Variants in NEBL observed in about 807,000 individuals in gnomAD.
The protein encoded by NEBL is LIM and SH3 protein 2.
Under a neutral mutation model 140.2 loss-of-function variants are expected in NEBL, and 122 were observed. The ratio of observed to expected loss-of-function variants is 0.87; its 90% CI spans 0.75 to 1.01. NEBL has a LOEUF of 1.01. NEBL is among the 50% of genes least tolerant of loss of function. NEBL has a pLI of 0.00. For missense variants in NEBL, 1,365 were observed against 1,231.3 expected, an observed-to-expected ratio of 1.11 and a Z score of -1.62; for synonymous variants, 436 against 398.9, an observed-to-expected ratio of 1.09 and a Z score of -1.11.
At chr10:21,107,374 T>C (rs887698488) in intron 2 of NEBL, among the ~76,000 whole-genome samples, 7 of 152,208 alleles carry the variant, frequency 4.6e-5, no homozygotes, top group African/African-American at 1.7e-4. Context: ...GTTTTTAGCA[T>C]GAAGACCTGT....
intron 2 of NEBL, among the ~76,000 whole-genome samples, chr10:21,135,026 G>A (rs190151682): frequency 4.6e-5 from 7 of 152,194 alleles, no homozygotes; most frequent in Middle Eastern, 3.4e-3. Flanking sequence ...ACCCTCCATC[G>A]AGGGCAACGT....
intron 2 of NEBL, among the ~76,000 whole-genome samples, chr10:21,034,675 G>A (rs1040030485): frequency 2.6e-5 from 4 of 152,174 alleles, no homozygotes; most frequent in Non-Finnish European, 5.9e-5. Context: ...ACTGTCTAAC[G>A]GAGGAAACTG....
chr10:21,096,323 T>C (rs1016374700), intron 2 of NEBL, among the ~76,000 whole-genome samples: 1 of 152,212 alleles, frequency 6.6e-6, no homozygotes, highest in African/African-American at 2.4e-5. Flanking sequence ...ACATGGAATA[T>C]AAACCATAAT....
At chr10:21,159,507 T>C (rs1263702641) in intron 2 of NEBL, among the ~76,000 whole-genome samples, 1 of 152,210 alleles carries the variant, frequency 6.6e-6, no homozygotes, top group Non-Finnish European at 1.5e-5. Flanking sequence ...GACCAATTCT[T>C]TTCCAAATTA....
chr10:20,861,257 A>G (rs1389176043), intron 7 of NEBL, among the ~76,000 whole-genome samples: 1 of 152,146 alleles, frequency 6.6e-6, no homozygotes, highest in African/African-American at 2.4e-5. Flanking sequence ...AGCTCACTGC[A>G]AGCTCCACCT....
intron 2 of NEBL, among the ~76,000 whole-genome samples, chr10:21,111,898 AAAAC>A (rs1838029219): frequency 6.6e-6 from 1 of 152,156 alleles, no homozygotes; most frequent in Admixed American, 6.6e-5. Context: ...TACCAGAAAA[AAAAC>A]AAACAACCCC....
At chr10:21,052,812 A>C (rs1834835071) in intron 2 of NEBL, among the ~76,000 whole-genome samples, 1 of 152,194 alleles carries the variant, frequency 6.6e-6, no homozygotes, top group South Asian at 2.1e-4. Context: ...CCGGTGGTGC[A>C]TACAGACAGA....
chr10:20,981,948 G>A (rs1263485954), intron 3 of NEBL, among the ~76,000 whole-genome samples: 1 of 152,130 alleles, frequency 6.6e-6, no homozygotes, highest in Admixed American at 6.6e-5. Context: ...GAGATATCTG[G>A]CATTTCTAAC....
At chr10:21,075,325 G>A (rs1389318603) in intron 2 of NEBL, among the ~76,000 whole-genome samples, 3 of 152,170 alleles carry the variant, frequency 2.0e-5, no homozygotes, top group East Asian at 3.9e-4. Flanking sequence ...TAAAATGGCT[G>A]GAGACGGACT....
intron 2 of NEBL, among the ~76,000 whole-genome samples, chr10:21,095,846 G>A (rs1001064052): frequency 6.6e-6 from 1 of 152,166 alleles, no homozygotes; most frequent in East Asian, 1.9e-4. Context: ...AGTCCTCTTA[G>A]TACTGTTCAA....
chr10:21,292,858 G>A (rs528477760), exon 1 of NEBL, among the ~76,000 whole-genome samples: 39 of 152,104 alleles, frequency 2.6e-4, no homozygotes, highest in Non-Finnish European at 5.1e-4. Context: ...ACCCACGCAG[G>A]GAAACCAGGA....
Position 20,831,195 on chromosome 10 carries a change from C to T in NEBL, c.1671+1G>A, listed in dbSNP as rs377315695. 6.2e-7 allele frequency: 1 copy of T among 1,606,136 alleles called. No homozygotes were observed. Among genetic ancestry groups the T allele is most frequent in the Non-Finnish European group, 8.5e-7 (1 of 1,173,100 alleles). ...TCTGAGCATCTTCATTCATGACCAA[C>T]CTGGCTATAGATTTCAGATGTCCTC... On this transcript the variant is annotated splice_donor_variant, in intron 16 of 27. Coordinates refer to ENST00000377122, the MANE Select transcript of NEBL (RefSeq NM_006393.3). LOFTEE classifies it high-confidence loss of function.
chr10:21,140,038 G>A (rs943644576), intron 2 of NEBL, among the ~76,000 whole-genome samples: 6 of 151,476 alleles, frequency 4.0e-5, no homozygotes, highest in Non-Finnish European at 4.4e-5. Flanking sequence ...TCAGGTGCCT[G>A]TAATCCCAGC....
intron 4 of NEBL, among the ~76,000 whole-genome samples, chr10:20,939,065 T>G (rs1043835249): frequency 3.0e-4 from 45 of 152,020 alleles, no homozygotes; most frequent in African/African-American, 1.0e-3. Context: ...AGGCCAACAT[T>G]CAGATTCAGG....
At chr10:21,229,325 G>A (rs948377433) in intron 3 of NEBL, among the ~76,000 whole-genome samples, 4 of 152,150 alleles carry the variant, frequency 2.6e-5, no homozygotes, top group East Asian at 3.9e-4. Context: ...GGAAACTGAC[G>A]TGGGAGAATC....
At chr10:21,037,585 G>A (rs886852523) in intron 2 of NEBL, among the ~76,000 whole-genome samples, 8 of 152,112 alleles carry the variant, frequency 5.3e-5, no homozygotes, top group African/African-American at 1.9e-4. Context: ...AGAATTTTAG[G>A]GAGTGATGAA....
intron 11 of NEBL, among the ~76,000 whole-genome samples, chr10:20,847,991 C>T (rs1842109756): frequency 6.6e-6 from 1 of 152,144 alleles, no homozygotes; most frequent in Admixed American, 6.6e-5. Context: ...CAGCAAACTG[C>T]ACATTTTTTT....
intron 2 of NEBL, among the ~76,000 whole-genome samples, chr10:21,108,027 T>C (rs1837802438): frequency 6.6e-6 from 1 of 152,102 alleles, no homozygotes; most frequent in African/African-American, 2.4e-5. Flanking sequence ...CCCTTTATCA[T>C]TTTTATTGCA....
intron 11 of NEBL, among the ~76,000 whole-genome samples, chr10:20,848,940 A>G (rs1417481133): frequency 6.6e-6 from 1 of 152,240 alleles, no homozygotes; most frequent in Middle Eastern, 3.2e-3. Flanking sequence ...TAACATTTCA[A>G]CAAATAGCAT....
Sources: allele counts gnomAD v4.1 joint callset (sites outside exome capture counted in the v4.1 genomes callset), GRCh38; gene constraint gnomAD v4.1.1; transcripts MANE v1.5; gene names NCBI Gene and HGNC (gene_info 2026-07-23, HGNC 2026-07-21).